The following CDKAL1 variants were observed in gnomAD, a reference collection of about 807,000 sequenced individuals.
The protein encoded by CDKAL1 is threonylcarbamoyladenosine tRNA methylthiotransferase.
In CDKAL1, 32 loss-of-function variants were observed where a neutral mutation model predicts 68.2. The ratio of observed to expected loss-of-function variants is 0.47; its 90% confidence interval spans 0.35 to 0.63. The LOEUF (loss-of-function observed/expected upper bound fraction) is 0.63. Ranked by LOEUF, CDKAL1 falls within the 30% of genes least tolerant of loss-of-function variation. The pLI, the probability that CDKAL1 is intolerant of heterozygous loss-of-function variation, is 0.00. For synonymous variants in CDKAL1, 234 were observed against 244.3 expected (o/e 0.96, Z 0.39); for missense variants, 606 against 696.7 (o/e 0.87, Z 1.47).
At chr6:20,943,740 A>G (rs928372523) in intron 9 of CDKAL1, among the ~76,000 whole-genome samples, 5 of 150,352 alleles carry the variant, frequency 3.3e-5, no homozygotes, top group Non-Finnish European at 7.4e-5. Context: ...TGCTAATTCC[A>G]TCATGTTTGT....
At chr6:20,609,276 C>CCTCCTCCTCCTTCTT (rs1766483744) in intron 4 of CDKAL1, among the ~76,000 whole-genome samples, 2 of 131,664 alleles carry the variant, frequency 1.5e-5, no homozygotes, top group South Asian at 2.7e-4. Context: ...TCCTCCTTCT[C>CCTCCTCCTCCTTCTT]CTCCTTCTCC....
At chr6:20,792,422 AAAGT>A (rs1393367759) in intron 8 of CDKAL1, among the ~76,000 whole-genome samples, 1 of 152,186 alleles carries the variant, frequency 6.6e-6, no homozygotes, top group Admixed American at 6.5e-5. Context: ...GGTTAACCTT[AAAGT>A]AAGTATTAAT....
At chr6:21,189,226 T>C (rs1007609543) in intron 13 of CDKAL1, among the ~76,000 whole-genome samples, 1 of 152,222 alleles carries the variant, frequency 6.6e-6, no homozygotes, top group Non-Finnish European at 1.5e-5. Context: ...CTTTGTATCT[T>C]GTATCACTGC....
intron 4 of CDKAL1, among the ~76,000 whole-genome samples, chr6:20,625,627 G>A (rs911832760): frequency 3.3e-5 from 5 of 152,054 alleles, no homozygotes; most frequent in Non-Finnish European, 7.4e-5. Context: ...TGGCTCAAAT[G>A]TGTTCTGTGT....
intron 5 of CDKAL1, among the ~76,000 whole-genome samples, chr6:20,704,664 G>C (rs59935509): frequency 0.078 from 11,881 of 152,216 alleles, 1,476 homozygotes; most frequent in African/African-American, 0.26. Context: ...GGTGACAGCA[G>C]TATAAAACCA....
chr6:20,752,963 C>T (rs561754728), intron 6 of CDKAL1, among the ~76,000 whole-genome samples: 5 of 152,198 alleles, frequency 3.3e-5, no homozygotes, highest in Admixed American at 2.6e-4. Flanking sequence ...GACATTGGAA[C>T]CTTTGACCAC....
chr6:21,195,685 A>AT lies in CDKAL1; in HGVS notation c.1300-2330dup, dbSNP rs1282171449. The stretch of plus-strand genomic sequence containing the variant: ...ACCACCACACTCGGCTAATTTCTGT[A>AT]TTTTTTATAGAGACGGGGTTTTGCC... On this transcript the variant is annotated intron_variant, in intron 13 of 15. Coordinates refer to ENST00000274695, the MANE Select transcript of CDKAL1 (RefSeq NM_017774.3). 8.7e-5 allele frequency among the ~76,000 whole-genome samples: 13 copies of AT among 150,206 alleles called. No individual in the cohort carries two copies. The East Asian group carries it at 2.4e-3, about 28-fold the overall frequency.
intron 4 of CDKAL1, among the ~76,000 whole-genome samples, chr6:20,565,904 TAAC>T (rs1764442632): frequency 1.3e-5 from 2 of 152,136 alleles, no homozygotes. Flanking sequence ...GTTTGGTAAA[TAAC>T]AAAGGCTTTT....
In CDKAL1 at chr6:20,647,084, T is replaced by C. The variant is rs918600435; in HGVS notation, c.287-2209T>C. On this transcript the variant is annotated intron_variant, in intron 4 of 15. Coordinates refer to ENST00000274695, the MANE Select transcript of CDKAL1 (RefSeq NM_017774.3). Reference sequence around the variant, plus strand: ...TTGAAATAAACTAACAATTGCTAGTTTTTTTTTATCATTAGCTAGCAGACA... The same window carrying C: ...TTGAAATAAACTAACAATTGCTAGTCTTTTTTTATCATTAGCTAGCAGACA... Among the ~76,000 whole-genome samples, 33 of 152,130 alleles carry C rather than the reference T, an allele frequency of 2.2e-4. 1 individual carries two copies. Among genetic ancestry groups the C allele is most frequent in the African/African-American group, 8.0e-4 (33 of 41,424 alleles).
intron 13 of CDKAL1, among the ~76,000 whole-genome samples, chr6:21,160,385 C>T (rs1005429936): frequency 3.3e-5 from 5 of 151,676 alleles, no homozygotes; most frequent in African/African-American, 1.2e-4. Flanking sequence ...GCAACCTCTG[C>T]CTCCCGGGTT....
chr6:20,781,224 T>G lies in CDKAL1; in HGVS notation c.597T>G (p.Ile199Met), dbSNP rs774750731. 124 of 1,613,686 alleles carry G rather than the reference T, an allele frequency of 7.7e-5. 1 individual carries two copies. The Middle Eastern group carries it at 8.2e-4, about 11-fold the overall frequency. The change falls in exon 8 of 16, where the codon ATT (isoleucine) becomes ATG (methionine). Residue 199 changes from isoleucine to methionine, a missense_variant. Ile to Met is a conservative substitution (Grantham distance 10). Coordinates refer to ENST00000274695, the MANE Select transcript of CDKAL1 (RefSeq NM_017774.3). ...GAGCACGATTGGATTTGCCGAAGAT[T>G]AGGAAGAATCCACTGATAGAAATCA... The part of the protein sequence containing the change: ...LGGARLDLPK[I>M]RKNPLIEIIS...
chr6:20,694,090 G>GTGTGTA (rs1771003205), intron 5 of CDKAL1, among the ~76,000 whole-genome samples: 1 of 151,340 alleles, frequency 6.6e-6, no homozygotes, highest in African/African-American at 2.4e-5. Context: ...GTGTGTGTGT[G>GTGTGTA]TGTATGTAGG....
intron 2 of CDKAL1, among the ~76,000 whole-genome samples, chr6:20,544,453 G>A (rs932767424): frequency 3.3e-5 from 5 of 151,446 alleles, no homozygotes; most frequent in Non-Finnish European, 7.4e-5. Context: ...AAAATTAGCC[G>A]GGCATGGTGG....
chr6:20,869,468 G>A (rs7766681), intron 9 of CDKAL1, among the ~76,000 whole-genome samples: 33 of 152,194 alleles, frequency 2.2e-4, no homozygotes, highest in African/African-American at 7.5e-4. Context: ...TCTACAGGCC[G>A]ATGTAGTTTT....
chr6:20,889,752 G>T (rs1761287979), intron 9 of CDKAL1, among the ~76,000 whole-genome samples: 1 of 152,066 alleles, frequency 6.6e-6, no homozygotes. Context: ...TGTTGTTTTG[G>T]TTACTGTAGC....
intron 7 of CDKAL1, among the ~76,000 whole-genome samples, chr6:20,773,504 G>A (rs913593054): frequency 5.9e-5 from 9 of 152,144 alleles, no homozygotes; most frequent in Non-Finnish European, 1.0e-4. Flanking sequence ...TCAAATTTAA[G>A]TGAGAATTGA....
chr6:20,834,235 A>G (rs989181027), intron 8 of CDKAL1, among the ~76,000 whole-genome samples: 10 of 152,256 alleles, frequency 6.6e-5, no homozygotes, highest in African/African-American at 2.2e-4. Flanking sequence ...CTCTACCTAA[A>G]CTTCAGGACC....
chr6:21,019,676 G>A (rs1313870617), intron 11 of CDKAL1, among the ~76,000 whole-genome samples: 1 of 152,178 alleles, frequency 6.6e-6, no homozygotes, highest in Non-Finnish European at 1.5e-5. Flanking sequence ...CTTGTATGGT[G>A]TGCATCACCG....
intron 9 of CDKAL1, among the ~76,000 whole-genome samples, chr6:20,951,893 A>T (rs569341915): frequency 6.6e-6 from 1 of 151,660 alleles, no homozygotes; most frequent in Admixed American, 6.6e-5. Flanking sequence ...CAGGCATGGA[A>T]GTTTTTAATG....
Sources: allele counts gnomAD v4.1 joint callset (sites outside exome capture counted in the v4.1 genomes callset), GRCh38; gene constraint gnomAD v4.1.1; transcripts MANE v1.5; gene names NCBI Gene and HGNC (gene_info 2026-07-23, HGNC 2026-07-21).